The following CCDC201 variants were observed in gnomAD, a reference collection of about 807,000 sequenced individuals.
CCDC201 encodes the protein coiled-coil domain containing 201, also known as coiled-coil domain-containing protein 201.
chr7:45,881,946 GC>G, the CCDC201 span, among the ~76,000 whole-genome samples: 1 of 152,132 alleles, frequency 6.6e-6, no homozygotes, highest in East Asian at 1.9e-4. Context: ...CCATCAGTTT[GC>G]CAAGCAGTGT....
chr7:45,882,043 C>T, the CCDC201 span, among the ~76,000 whole-genome samples: 10 of 152,290 alleles, frequency 6.6e-5, no homozygotes, highest in African/African-American at 2.4e-4. Context: ...GGAACATAAG[C>T]AAAACATCAC....
At chr7:45,878,716 G>T in the CCDC201 span, among the ~76,000 whole-genome samples, 1 of 152,266 alleles carries the variant, frequency 6.6e-6, no homozygotes, top group East Asian at 1.9e-4. Context: ...TGTGTTGGGA[G>T]TGGCTGCCCC....
chr7:45,878,372 C>T, the CCDC201 span, among the ~76,000 whole-genome samples: 1 of 152,230 alleles, frequency 6.6e-6, no homozygotes. Context: ...TTCCACACTG[C>T]CCTAATAAAT....
At chr7:45,873,273 A>G (rs1050650649), upstream of CCDC201, among the ~76,000 whole-genome samples, 1 of 57,292 alleles carries the variant, frequency 1.7e-5, no homozygotes, top group South Asian at 7.5e-4. Flanking sequence ...CTTGCGCCCC[A>G]CCCCCCCACC....
chr7:45,881,956 G>T, the CCDC201 span, among the ~76,000 whole-genome samples: 1 of 152,242 alleles, frequency 6.6e-6, no homozygotes, highest in African/African-American at 2.4e-5. Context: ...GCCAAGCAGT[G>T]TCCTTCATCA....
chr7:45,882,065 TC>T, the CCDC201 span, among the ~76,000 whole-genome samples: 1 of 152,206 alleles, frequency 6.6e-6, no homozygotes, highest in Non-Finnish European at 1.5e-5. Context: ...TTGTTTTTTT[TC>T]CCCGTGTTAA....
At chr7:45,884,524 C>T in the CCDC201 span, among the ~76,000 whole-genome samples, 5 of 152,294 alleles carry the variant, frequency 3.3e-5, no homozygotes, top group East Asian at 7.7e-4. Flanking sequence ...GCCTGGTCCC[C>T]TGCCTGCTCC....
At chr7:45,873,059 C>G in exon 1 of CCDC201, 1 of 152,394 alleles carries the variant, frequency 6.6e-6, no homozygotes, top group East Asian at 1.9e-4. Flanking sequence ...AGCGCCCACC[C>G]TGTGGCCCTC....
the CCDC201 span, among the ~76,000 whole-genome samples, chr7:45,882,267 A>G: frequency 5.3e-5 from 8 of 152,164 alleles, no homozygotes; most frequent in Non-Finnish European, 8.8e-5. Context: ...GTGTGACTGC[A>G]CCACCCCAGA....
intron 2 of CCDC201, among the ~76,000 whole-genome samples, chr7:45,864,564 C>A (rs758848231): frequency 6.6e-6 from 1 of 152,188 alleles, no homozygotes; most frequent in Admixed American, 6.5e-5. Flanking sequence ...TCCCACCCAG[C>A]CCTGTGATGG....
chr7:45,864,552 G>C (rs1452715114), intron 2 of CCDC201, among the ~76,000 whole-genome samples: 1 of 152,180 alleles, frequency 6.6e-6, no homozygotes, highest in Admixed American at 6.5e-5. Context: ...CTTTCCGTCA[G>C]CTCCCACCCA....
chr7:45,876,744 G>A (rs1490948652), upstream of CCDC201, among the ~76,000 whole-genome samples: 3 of 152,344 alleles, frequency 2.0e-5, no homozygotes, highest in East Asian at 5.8e-4. Flanking sequence ...GCCGTCAGGT[G>A]CTGTCATGGC....
chr7:45,873,429 A>G (rs1358377404), upstream of CCDC201, among the ~76,000 whole-genome samples: 1 of 151,170 alleles, frequency 6.6e-6, no homozygotes, highest in Non-Finnish European at 1.5e-5. Context: ...GAGGACCCAC[A>G]ACCACTGGAC....
intron 2 of CCDC201, among the ~76,000 whole-genome samples, chr7:45,864,932 A>T (rs560219708): frequency 1.3e-5 from 2 of 152,210 alleles, no homozygotes; most frequent in South Asian, 4.2e-4. Flanking sequence ...GGTCTTCCAG[A>T]GTCAGATGGG....
intron 2 of CCDC201, among the ~76,000 whole-genome samples, chr7:45,864,208 C>T (rs6956740): frequency 0.068 from 10,292 of 152,164 alleles, 580 homozygotes; most frequent in African/African-American, 0.15. Flanking sequence ...TTTGTCACAG[C>T]GACTGAGGAA....
upstream of CCDC201, among the ~76,000 whole-genome samples, chr7:45,878,051 C>A (rs780125071): frequency 6.6e-6 from 1 of 152,208 alleles, no homozygotes; most frequent in Admixed American, 6.5e-5. Context: ...AAGTCTGAAA[C>A]CCAGCAGGGC....
intron 1 of CCDC201, among the ~76,000 whole-genome samples, chr7:45,867,142 AT>A (rs1417494496): frequency 2.6e-5 from 4 of 152,236 alleles, no homozygotes; most frequent in Admixed American, 1.3e-4. Context: ...ACCATAAGGT[AT>A]GTGCCTCTGC....
exon 3 of CCDC201, chr7:45,860,133 G>A (rs1325996893): frequency 6.6e-6 from 1 of 152,314 alleles, no homozygotes; most frequent in Non-Finnish European, 1.5e-5. Flanking sequence ...ATGTTTTGTG[G>A]GCAGCGGGGG....
At chr7:45,874,348 G>C (rs547954175), upstream of CCDC201, among the ~76,000 whole-genome samples, 1 of 152,304 alleles carries the variant, frequency 6.6e-6, no homozygotes, top group South Asian at 2.1e-4. Flanking sequence ...TTTATCCCTT[G>C]CTACTCTGTA....
Sources: gnomAD v4.1 joint callset for allele counts (sites outside exome capture counted in the v4.1 genomes callset) on GRCh38, gnomAD v4.1.1 for gene constraint, MANE v1.5 for transcripts, NCBI Gene and HGNC (gene_info 2026-07-23, HGNC 2026-07-21) for gene names.